LOXHD1: variants seen among roughly 807,000 people sequenced by gnomAD.
LOXHD1 encodes the protein lipoxygenase homology PLAT domains 1.
LOXHD1 carries 205 observed loss-of-function variants against 248.2 expected under a neutral mutation model. The observed-to-expected ratio is 0.83, with a 90% CI of 0.74 to 0.93. LOXHD1 has a LOEUF of 0.93. LOXHD1 is among the 40% of genes least tolerant of loss of function. LOXHD1 has a pLI of 0.00. For synonymous variants in LOXHD1, 1,113 were observed against 1,162.8 expected, an observed-to-expected ratio of 0.96 and a Z score of 0.87; for missense variants, 2,930 against 2,971.6, an observed-to-expected ratio of 0.99 and a Z score of 0.33.
chr18:46,625,174 A>C (rs1568223014), intron 4 of LOXHD1, among the ~76,000 whole-genome samples: 3 of 152,170 alleles, frequency 2.0e-5, no homozygotes, highest in Admixed American at 2.0e-4. Context: ...TGCCAGCTTT[A>C]GTTCAAACCT....
intron 37 of LOXHD1, among the ~76,000 whole-genome samples, chr18:46,491,631 G>C (rs1049447127): frequency 1.3e-5 from 2 of 152,120 alleles, no homozygotes; most frequent in Admixed American, 1.3e-4. Context: ...TGGAGACGTG[G>C]GCCATCACGA....
rs1463763774 is a variant in LOXHD1 at position 46,522,130 on chromosome 18, A to C, written c.5056T>G (p.Leu1686Val). The C allele has an allele frequency of 6.4e-7, 1 of 1,551,230 alleles. No homozygotes were observed. The highest frequency in any genetic ancestry group is 2.4e-5 in the East Asian group (1 of 40,916). The change falls in exon 32 of 41, where the codon TTG becomes GTG. Residue 1686 changes from leucine (L) to valine (V), a missense_variant. Transcript: ENST00000642948. ...GSVEEFYVAGLDVGIIKKIEL... is the reference protein window; with the variant it reads ...GSVEEFYVAGVDVGIIKKIEL... ...ATTTTCTTGATGATGCCCACATCCA[A>C]GCCTGCGACGTAGAACTCCTCCACA...
chr18:46,607,886 G>A (rs1010279659), intron 6 of LOXHD1, among the ~76,000 whole-genome samples: 7 of 152,204 alleles, frequency 4.6e-5, no homozygotes, highest in Admixed American at 6.5e-5. Context: ...AATGCCACCC[G>A]AGCAAGAATC....
chr18:46,618,769 A>C (rs1223817079), intron 4 of LOXHD1, among the ~76,000 whole-genome samples: 1 of 152,196 alleles, frequency 6.6e-6, no homozygotes, highest in Non-Finnish European at 1.5e-5. Flanking sequence ...CCATAGCATA[A>C]AAATTCACTG....
intron 9 of LOXHD1, 57 bp from the exon 10 acceptor site, chr18:46,593,817 T>C: frequency 6.5e-7 from 1 of 1,531,686 alleles, no homozygotes; most frequent in Non-Finnish European, 8.8e-7. Context: ...ATTTTCATAT[T>C]ACCATGGGGA....
At chr18:46,533,361 T>C in intron 27 of LOXHD1, 37 bp from the exon 28 acceptor site, 1 of 1,548,420 alleles carries the variant, frequency 6.5e-7, no homozygotes, top group East Asian at 2.4e-5. Flanking sequence ...TAGCCCTTAA[T>C]GTGAAAGCTG....
At chr18:46,619,306 G>T (rs961287008) in intron 4 of LOXHD1, among the ~76,000 whole-genome samples, 1 of 152,156 alleles carries the variant, frequency 6.6e-6, no homozygotes, top group Admixed American at 6.5e-5. Context: ...CAGCCCCTCT[G>T]CCCACCTGTT....
chr18:46,573,448 T>C (rs2037795153), intron 14 of LOXHD1, among the ~76,000 whole-genome samples: 1 of 152,188 alleles, frequency 6.6e-6, no homozygotes. Context: ...CGTTCATTGT[T>C]CCCCAGGATA....
intron 37 of LOXHD1, among the ~76,000 whole-genome samples, chr18:46,499,961 C>A (rs924410753): frequency 6.6e-6 from 1 of 152,136 alleles, no homozygotes; most frequent in Admixed American, 6.5e-5. Context: ...AATTGACACA[C>A]CACATCTTGG....
At chr18:46,629,683 C>T (rs2038793491) in intron 4 of LOXHD1, among the ~76,000 whole-genome samples, 1 of 151,778 alleles carries the variant, frequency 6.6e-6, no homozygotes, top group African/African-American at 2.4e-5. Flanking sequence ...GATGAAACAG[C>T]CAGGAATGGA....
chr18:46,509,671 G>A (rs2034828053), intron 35 of LOXHD1, 27 bp downstream of exon 35: 1 of 1,499,486 alleles, frequency 6.7e-7, no homozygotes, highest in Non-Finnish European at 9.1e-7. Context: ...GTGGCTGGAA[G>A]GAAGAGTGAG....
At chr18:46,555,517 ACCT>A (rs906194944) in intron 21 of LOXHD1, 8 of 220,120 alleles carry the variant, frequency 3.6e-5, no homozygotes, top group African/African-American at 1.8e-4. Context: ...GAACCCTGTC[ACCT>A]CCTGCCCTGC....
At position 46,501,209 on chromosome 18, in the gene LOXHD1, T is replaced by C. The variant is rs750706134; in HGVS notation, c.5878+4629A>G. On this transcript the variant is annotated intron_variant, in intron 37 of 40. Coordinates refer to ENST00000642948, the MANE Select transcript of LOXHD1 (RefSeq NM_001384474.1). ...TTGTAACCCTAAATTAATACTCATG[T>C]GGTCATTTGTGGACATATGCAGAGT... 2.6e-5 allele frequency among the ~76,000 whole-genome samples: 4 copies of C among 152,254 alleles called. 1 individual carries two copies. The highest frequency in any genetic ancestry group is 2.6e-4 in the Admixed American group (4 of 15,286).
intron 20 of LOXHD1, chr18:46,559,065 C>T: frequency 9.6e-7 from 1 of 1,036,792 alleles, no homozygotes; most frequent in Non-Finnish European, 1.3e-6. Flanking sequence ...ATGTCTACAC[C>T]ATACTCACCT....
chr18:46,560,051 C>CGGGGCG, intron 19 of LOXHD1, 32 bp downstream of exon 19: 1 of 1,310,696 alleles, frequency 7.6e-7, no homozygotes, highest in Non-Finnish European at 1.1e-6. Context: ...TGGCCACTCC[C>CGGGGCG]TCCCCACCCC....
chr18:46,593,222 T>G (rs2038204804), intron 10 of LOXHD1, among the ~76,000 whole-genome samples: 1 of 152,218 alleles, frequency 6.6e-6, no homozygotes, highest in Non-Finnish European at 1.5e-5. Context: ...AAATTCATAC[T>G]TTTGATTAAA....
chr18:46,633,980 C>G (rs192858816), intron 4 of LOXHD1, among the ~76,000 whole-genome samples: 1 of 152,142 alleles, frequency 6.6e-6, no homozygotes, highest in Admixed American at 6.5e-5. Context: ...AATTAGAACT[C>G]GTGTGCATTG....
chr18:46,577,091 T>C (rs932452974), intron 14 of LOXHD1, among the ~76,000 whole-genome samples: 1 of 152,184 alleles, frequency 6.6e-6, no homozygotes, highest in Non-Finnish European at 1.5e-5. Context: ...AAGTCAATCA[T>C]ACAGTGTGAA....
At chr18:46,647,797 C>T (rs2039051678) in intron 2 of LOXHD1, among the ~76,000 whole-genome samples, 1 of 152,240 alleles carries the variant, frequency 6.6e-6, no homozygotes, top group Non-Finnish European at 1.5e-5. Flanking sequence ...CTGGCTTCTA[C>T]AGCTTCCTCT....
Sources: gnomAD v4.1 joint callset for allele counts (sites outside exome capture counted in the v4.1 genomes callset) on GRCh38, gnomAD v4.1.1 for gene constraint, MANE v1.5 for transcripts, NCBI Gene and HGNC (gene_info 2026-07-23, HGNC 2026-07-21) for gene names.